CNBD1: variants seen among roughly 807,000 people sequenced by gnomAD.
CNBD1 encodes cyclic nucleotide binding domain containing 1.
A neutral mutation model predicts 54.4 loss-of-function variants in CNBD1; 71 were observed. The ratio of observed to expected loss-of-function variants is 1.30; its 90% confidence interval spans 1.08 to 1.59. CNBD1 has a LOEUF of 1.59. Among genes scored for constraint, CNBD1 ranks in the 40% most tolerant of loss-of-function variants. CNBD1 has a pLI of 0.00. For synonymous variants in CNBD1, 182 were observed against 170.7 expected, an observed-to-expected ratio of 1.07 and a Z score of -0.51; for missense variants, 659 against 518.0, an observed-to-expected ratio of 1.27 and a Z score of -2.64.
chr8:87,406,481 T>G (rs200964389), intron 2 of CNBD1, among the ~76,000 whole-genome samples: 2 of 81,482 alleles, frequency 2.5e-5, no homozygotes, highest in Non-Finnish European at 4.4e-5. Context: ...CACACACACT[T>G]TTTTTTTTTT....
chr8:86,945,822 T>C (rs1807451461), intron 4 of CNBD1, among the ~76,000 whole-genome samples: 1 of 152,196 alleles, frequency 6.6e-6, no homozygotes, highest in African/African-American at 2.4e-5. Context: ...AATTAAAAAC[T>C]CATTGACAGT....
intron 4 of CNBD1, among the ~76,000 whole-genome samples, chr8:86,983,521 T>C (rs1808536590): frequency 6.6e-6 from 1 of 152,176 alleles, no homozygotes; most frequent in African/African-American, 2.4e-5. Flanking sequence ...GTGAGAAAGT[T>C]TGGAACTTCC....
chr8:87,152,410 T>G (rs535730855), intron 4 of CNBD1, among the ~76,000 whole-genome samples: 1 of 133,124 alleles, frequency 7.5e-6, no homozygotes, highest in Admixed American at 7.4e-5. Flanking sequence ...ACACAGAAAA[T>G]ACATTAACAA....
intron 9 of CNBD1, among the ~76,000 whole-genome samples, chr8:87,352,556 A>G (rs117524343): frequency 0.023 from 3,548 of 152,176 alleles, 67 homozygotes; most frequent in Non-Finnish European, 0.034. Context: ...CTGACAGTTG[A>G]ATGAATAGAA....
chr8:87,067,384 CT>C (rs1193294492), intron 4 of CNBD1, among the ~76,000 whole-genome samples: 1 of 151,872 alleles, frequency 6.6e-6, no homozygotes, highest in Non-Finnish European at 1.5e-5. Context: ...TCATGGCAGC[CT>C]TTTGACTTTG....
intron 6 of CNBD1, among the ~76,000 whole-genome samples, chr8:87,255,990 TATATATATATATATATATATATATA>T (rs1264922052): frequency 5.8e-4 from 7 of 12,154 alleles, no homozygotes; most frequent in South Asian, 5.3e-3. Flanking sequence ...TATATATATA[TATATATATATATATATATATATATA>T]TTTTTTTTTT....
intron 10 of CNBD1, among the ~76,000 whole-genome samples, chr8:87,380,004 C>T (rs1312960162): frequency 6.7e-6 from 1 of 149,620 alleles, no homozygotes; most frequent in Non-Finnish European, 1.5e-5. Flanking sequence ...CAGACATCAT[C>T]CACTGGTGCC....
intron 2 of CNBD1, among the ~76,000 whole-genome samples, chr8:87,396,597 A>G (rs1278628148): frequency 6.6e-6 from 1 of 151,738 alleles, no homozygotes; most frequent in Non-Finnish European, 1.5e-5. Context: ...ACTGTTGAAT[A>G]TTTCTTATAT....
intron 4 of CNBD1, among the ~76,000 whole-genome samples, chr8:87,080,656 G>A (rs1180521890): frequency 6.6e-6 from 1 of 151,756 alleles, no homozygotes; most frequent in African/African-American, 2.4e-5. Flanking sequence ...AGTTAAATAT[G>A]TTGTAGACTT....
At chr8:86,940,199 C>T (rs6468565) in intron 4 of CNBD1, among the ~76,000 whole-genome samples, 43,175 of 137,986 alleles carry the variant, frequency 0.31, 6,686 homozygotes, top group East Asian at 0.4. Context: ...GGCACAGTTT[C>T]GGCTCACTGC....
intron 1 of CNBD1, among the ~76,000 whole-genome samples, chr8:86,870,125 A>G (rs1466093001): frequency 1.3e-5 from 2 of 148,236 alleles, no homozygotes; most frequent in Admixed American, 6.8e-5. Context: ...TATGAGTTGG[A>G]AAAAAAAAAG....
chr8:87,101,923 C>A (rs1213434950), intron 4 of CNBD1, among the ~76,000 whole-genome samples: 1 of 147,296 alleles, frequency 6.8e-6, no homozygotes, highest in Non-Finnish European at 1.5e-5. Flanking sequence ...GAGTCTTGCT[C>A]TGTCACCCAG....
intron 6 of CNBD1, among the ~76,000 whole-genome samples, chr8:87,268,010 C>A (rs184725971): frequency 1.3e-5 from 2 of 152,152 alleles, no homozygotes; most frequent in East Asian, 1.9e-4. Flanking sequence ...TTAACACAGG[C>A]AAATTGCGTG....
chr8:87,103,604 A>C lies in CNBD1; in HGVS notation c.432-102389A>C, dbSNP rs552308933. Among the ~76,000 whole-genome samples the C allele has an allele frequency of 5.9e-5, 9 of 152,328 alleles. No homozygotes were observed. In the South Asian group the frequency reaches 1.9e-3, roughly 32 times the overall value. ...AGCAGCAAGGAAAAGTGCAGCGTGA[A>C]GTTGGGGAAAAGCCCCTTACAAAAC... is the stretch of plus-strand genomic sequence containing the variant. On this transcript the variant is annotated intron_variant, in intron 4 of 10. Coordinates refer to ENST00000518476, the MANE Select transcript of CNBD1 (RefSeq NM_173538.3).
chr8:87,374,752 A>G (rs1283952901), intron 10 of CNBD1, among the ~76,000 whole-genome samples: 1 of 151,862 alleles, frequency 6.6e-6, no homozygotes, highest in East Asian at 1.9e-4. Flanking sequence ...CCAAAATAGC[A>G]GCATCACGTG....
chr8:86,873,064 CA>C (rs1808463243), intron 1 of CNBD1, among the ~76,000 whole-genome samples: 1 of 151,470 alleles, frequency 6.6e-6, no homozygotes, highest in East Asian at 2.0e-4. Context: ...AGCAACAGCA[CA>C]AGGCCCTGTT....
chr8:87,208,011 A>G (rs1471530394), intron 5 of CNBD1, among the ~76,000 whole-genome samples: 2 of 152,168 alleles, frequency 1.3e-5, no homozygotes. Context: ...AAAAAGGCCC[A>G]ACTAGGTGTC....
intron 4 of CNBD1, among the ~76,000 whole-genome samples, chr8:87,180,626 C>A (rs1413040970): frequency 6.6e-6 from 1 of 151,864 alleles, no homozygotes; most frequent in Non-Finnish European, 1.5e-5. Flanking sequence ...AAAACAATAC[C>A]TATAATTTAA....
chr8:87,308,641 T>C (rs1809204335), intron 8 of CNBD1, among the ~76,000 whole-genome samples: 2 of 152,174 alleles, frequency 1.3e-5, no homozygotes, highest in African/African-American at 4.8e-5. Context: ...TACAGTATAT[T>C]GTTGTTAACT....
Sources: allele counts gnomAD v4.1 joint callset (sites outside exome capture counted in the v4.1 genomes callset), GRCh38; gene constraint gnomAD v4.1.1; transcripts MANE v1.5; gene names NCBI Gene and HGNC (gene_info 2026-07-23, HGNC 2026-07-21).